Variants in KDM2A observed in about 807,000 individuals in gnomAD.
KDM2A encodes lysine-specific demethylase 2A.
Under a neutral mutation model 137.3 loss-of-function variants are expected in KDM2A, and 3 were observed. The ratio of observed to expected loss-of-function variants is 0.02; its 90% CI spans 0.01 to 0.06. The LOEUF is 0.06. Ranked by LOEUF, KDM2A falls within the 10% of genes least tolerant of loss-of-function variation. The pLI, the probability that KDM2A is intolerant of heterozygous loss-of-function variation, is 1.00. For synonymous variants in KDM2A, 512 were observed against 541.5 expected, an observed-to-expected ratio of 0.95 and a Z score of 0.76; for missense variants, 738 against 1,510.6, an observed-to-expected ratio of 0.49 and a Z score of 8.48.
In KDM2A at chr11:67,252,560, A is replaced by C. The variant is rs74334393; in HGVS notation, c.2769-134A>C. 2.9e-3 allele frequency: 2,834 copies of C among 965,444 alleles called. 99 individuals are homozygous for C. The East Asian group carries it at 0.069, about 24-fold the overall frequency. 59.8% of individuals were successfully genotyped at this position (965,444 alleles called of 1,614,324 possible). A position where few individuals can be genotyped will look rare whatever the true frequency, so the allele number is the denominator to read the frequency against. ...CTATTCTGTGAGGCAAAAAATGATA[A>C]GGTGTGATCCCTGTACACTTGTAGA... is the stretch of plus-strand genomic sequence containing the variant. On this transcript the variant is annotated intron_variant, in intron 17 of 20. Coordinates refer to ENST00000529006, the MANE Select transcript of KDM2A (RefSeq NM_012308.3).
At chr11:67,190,372 T>C (rs967280631) in intron 5 of KDM2A, among the ~76,000 whole-genome samples, 2 of 151,950 alleles carry the variant, frequency 1.3e-5, no homozygotes, top group African/African-American at 2.4e-5. Flanking sequence ...ATTGCACCAC[T>C]GCACTCCAGC....
intron 5 of KDM2A, among the ~76,000 whole-genome samples, chr11:67,197,344 T>C (rs1038298985): frequency 6.6e-6 from 1 of 152,104 alleles, no homozygotes; most frequent in African/African-American, 2.4e-5. Context: ...CAGATAATTT[T>C]TGTATTTTTT....
intron 2 of KDM2A, among the ~76,000 whole-genome samples, chr11:67,125,912 C>T (rs907239722): frequency 2.9e-5 from 4 of 139,916 alleles, no homozygotes; most frequent in African/African-American, 1.1e-4. Context: ...CATTGCACTC[C>T]AGCATGGGTG....
chr11:67,206,723 C>T (rs910770829), intron 5 of KDM2A, among the ~76,000 whole-genome samples: 12 of 152,214 alleles, frequency 7.9e-5, no homozygotes, highest in African/African-American at 1.2e-4. Context: ...AGCGACAGAG[C>T]GAGACTCCGT....
chr11:67,151,075 G>T (rs1856374460), intron 2 of KDM2A, among the ~76,000 whole-genome samples: 1 of 152,294 alleles, frequency 6.6e-6, no homozygotes, highest in South Asian at 2.1e-4. Context: ...GTTCAGTTTA[G>T]TTTGTAAGTT....
chr11:67,198,072 A>G (rs1857523902), intron 5 of KDM2A, among the ~76,000 whole-genome samples: 2 of 152,344 alleles, frequency 1.3e-5, no homozygotes, highest in African/African-American at 2.4e-5. Context: ...TTTCATCTTC[A>G]TGATGAGTAG....
At chr11:67,208,187 C>T (rs986773009) in intron 6 of KDM2A, among the ~76,000 whole-genome samples, 1 of 151,528 alleles carries the variant, frequency 6.6e-6, no homozygotes, top group Non-Finnish European at 1.5e-5. Context: ...AGAATAACTG[C>T]ATTTTCCGAA....
At chr11:67,161,320 A>G (rs1856633480) in intron 2 of KDM2A, among the ~76,000 whole-genome samples, 1 of 152,218 alleles carries the variant, frequency 6.6e-6, no homozygotes, top group Admixed American at 6.5e-5. Flanking sequence ...TATCCACGTG[A>G]AACCTTTGAA....
chr11:67,130,928 A>C (rs1223583105), intron 2 of KDM2A, among the ~76,000 whole-genome samples: 1 of 151,340 alleles, frequency 6.6e-6, no homozygotes, highest in African/African-American at 2.4e-5. Flanking sequence ...GCCCAAGATC[A>C]CAGAGTCGGT....
chr11:67,140,095 T>C (rs1005366875), intron 2 of KDM2A, among the ~76,000 whole-genome samples: 7 of 152,030 alleles, frequency 4.6e-5, no homozygotes, highest in African/African-American at 1.7e-4. Context: ...GTACGGTGGC[T>C]TACACCTATA....
In KDM2A at chr11:67,237,919, GA is replaced by G. The variant is rs1050021366; in HGVS notation, c.1480-5077del. Among the ~76,000 whole-genome samples the G allele has an allele frequency of 3.4e-3, 474 of 139,322 alleles. 1 individual carries two copies. The highest frequency in any genetic ancestry group is 0.011 in the East Asian group (56 of 4,918). The allele number at this position is 139,322 out of a possible 152,430, so 91.4% of individuals were successfully genotyped here. On this transcript the variant is annotated intron_variant, in intron 12 of 20. Coordinates refer to ENST00000529006, the MANE Select transcript of KDM2A (RefSeq NM_012308.3). ...TGGGCAACAAAGCGAGACCCTGTCT[GA>G]AAAAAAAAAAAATTTATATCCTGTT...
chr11:67,171,234 G>A (rs1856876686), intron 2 of KDM2A, among the ~76,000 whole-genome samples: 1 of 152,168 alleles, frequency 6.6e-6, no homozygotes, highest in Non-Finnish European at 1.5e-5. Flanking sequence ...AGCCCTAAGA[G>A]AGCTACTTGC....
intron 6 of KDM2A, among the ~76,000 whole-genome samples, chr11:67,213,548 A>G (rs1018160496): frequency 6.6e-6 from 1 of 152,100 alleles, no homozygotes; most frequent in African/African-American, 2.4e-5. Flanking sequence ...GCCTGAGATC[A>G]GAAGTTCGAG....
intron 12 of KDM2A, among the ~76,000 whole-genome samples, chr11:67,233,918 A>G (rs1031885130): frequency 6.6e-6 from 1 of 152,150 alleles, no homozygotes; most frequent in Non-Finnish European, 1.5e-5. Flanking sequence ...TGGCTAAGAT[A>G]TAGTGGCAGA....
intron 13 of KDM2A, among the ~76,000 whole-genome samples, chr11:67,244,756 C>T (rs879667102): frequency 5.9e-5 from 9 of 151,980 alleles, no homozygotes; most frequent in African/African-American, 1.5e-4. Flanking sequence ...GATGCCAAGG[C>T]GGGCAGATCA....
chr11:67,213,933 G>C (rs1858074401), intron 6 of KDM2A, among the ~76,000 whole-genome samples: 1 of 152,004 alleles, frequency 6.6e-6, no homozygotes, highest in African/African-American at 2.4e-5. Flanking sequence ...GGTGATCGTA[G>C]CTTACTGCAG....
intron 10 of KDM2A, among the ~76,000 whole-genome samples, chr11:67,220,979 T>G (rs1025924867): frequency 6.6e-6 from 1 of 151,414 alleles, no homozygotes; most frequent in African/African-American, 2.4e-5. Flanking sequence ...CCTTGAACCT[T>G]GTTACTATTA....
Position 67,217,886 on chromosome 11 carries a change from T to C in KDM2A, c.841+2T>C. On this transcript the variant is annotated splice_donor_variant, in intron 9 of 20. Transcript: ENST00000529006. LOFTEE classifies it high-confidence loss of function. ...GCTATACCTTCGTCATTCCCTCAGG[T>C]AAGCAAAATGGGAAGAGTGGGTTAT... The C allele has an allele frequency of 1.3e-6, 2 of 1,594,308 alleles. No homozygotes were observed. The highest frequency in any genetic ancestry group is 1.7e-6 in the Non-Finnish European group (2 of 1,170,362).
intron 11 of KDM2A, among the ~76,000 whole-genome samples, chr11:67,230,893 T>C (rs1858692491): frequency 6.6e-6 from 1 of 152,114 alleles, no homozygotes; most frequent in African/African-American, 2.4e-5. Flanking sequence ...TGTTAGAATT[T>C]CAACTCCAAA....
Sources: allele counts gnomAD v4.1 joint callset (sites outside exome capture counted in the v4.1 genomes callset), GRCh38; gene constraint gnomAD v4.1.1; transcripts MANE v1.5; gene names NCBI Gene and HGNC (gene_info 2026-07-23, HGNC 2026-07-21).